Variants in FHL1 observed in about 807,000 individuals in gnomAD.
The protein encoded by FHL1 is four and a half LIM domains protein 1.
FHL1 carries 1 observed loss-of-function variant against 20.3 expected under a neutral mutation model. The ratio of observed to expected loss-of-function variants is 0.05; its 90% CI spans 0.02 to 0.23. The LOEUF (loss-of-function observed/expected upper bound fraction) is 0.23. FHL1 is among the 10% of genes least tolerant of loss of function. FHL1 has a pLI of 1.00. For missense variants in FHL1, 177 were observed against 234.0 expected (o/e 0.76, Z 1.59); for synonymous variants, 82 against 88.9 (o/e 0.92, Z 0.44).
chrX:136,184,766 T>G (rs1202644894), intron 2 of FHL1, among the ~76,000 whole-genome samples: 1 of 111,804 alleles, frequency 8.9e-6, no homozygotes, highest in Admixed American at 9.6e-5. Context: ...ATTACCTACT[T>G]GGGTACAAAG....
At chrX:136,152,090 C>G (rs1361503647) in intron 1 of FHL1, among the ~76,000 whole-genome samples, 3 of 112,010 alleles carry the variant, frequency 2.7e-5, no homozygotes, top group African/African-American at 9.7e-5. Context: ...ACCATGAATG[C>G]TAAATGTGAT....
Position 136,210,601 on chromosome X carries a change from G to A in FHL1, c.*576G>A. 2 of 390,416 alleles carry A rather than the reference G, an allele frequency of 5.1e-6. No individual in the cohort carries two copies. The highest frequency in any genetic ancestry group is 9.6e-6 in the Non-Finnish European group (2 of 207,285). 32.2% of individuals were successfully genotyped at this position (390,416 alleles called of 1,213,427 possible). A position where few individuals can be genotyped will look rare whatever the true frequency, so the allele number is the denominator to read the frequency against. ...AGAAAATTAACATTTGAACTTAGCT[G>A]TAATTCTAAACTGACCTTTCCCCGT... On this transcript the variant is annotated 3_prime_UTR_variant, in exon 6 of 6. Coordinates refer to ENST00000370683, the MANE Select transcript of FHL1 (RefSeq NM_001159699.2).
intron 2 of FHL1, among the ~76,000 whole-genome samples, chrX:136,175,108 G>T (rs949607771): frequency 8.9e-6 from 1 of 111,940 alleles, no homozygotes; most frequent in Non-Finnish European, 1.9e-5. Context: ...AGAAAGGTGC[G>T]CACAGGCCTA....
intron 1 of FHL1, chrX:136,148,779 G>A (rs2148253206): frequency 8.9e-6 from 1 of 112,361 alleles, no homozygotes; most frequent in East Asian, 2.8e-4. Context: ...CCCATACTAG[G>A]GAGATCCCTT....
chrX:136,198,088 C>G (rs1020267755), intron 1 of FHL1, among the ~76,000 whole-genome samples: 2 of 110,356 alleles, frequency 1.8e-5, no homozygotes, highest in African/African-American at 6.6e-5. Flanking sequence ...ATGGAATGCC[C>G]TACCTTAATG....
At chrX:136,166,434 A>G (rs1428272066), upstream of FHL1, among the ~76,000 whole-genome samples, 1 of 111,404 alleles carries the variant, frequency 9.0e-6, no homozygotes, top group Non-Finnish European at 1.9e-5. Flanking sequence ...GACTTTCTGG[A>G]AAGGATAGCC....
At chrX:136,206,231 G>C (rs1462405203) in intron 1 of FHL1, 176 bp from the exon 2 acceptor site, 8 of 552,557 alleles carry the variant, frequency 1.4e-5, no homozygotes, top group African/African-American at 4.5e-5. Context: ...TGGAATCATA[G>C]TGAAGTATCT....
At chrX:136,199,521 T>C (rs755257906) in intron 1 of FHL1, among the ~76,000 whole-genome samples, 1 of 112,612 alleles carries the variant, frequency 8.9e-6, no homozygotes, top group East Asian at 2.8e-4. Context: ...TTCCCAAATG[T>C]CTGACGACAC....
chrX:136,159,002 G>A (rs1251979193), intron 1 of FHL1, among the ~76,000 whole-genome samples: 1 of 110,277 alleles, frequency 9.1e-6, no homozygotes, highest in Non-Finnish European at 1.9e-5. Flanking sequence ...ATGTATTAAC[G>A]TTGGCCCATC....
intron 1 of FHL1, among the ~76,000 whole-genome samples, chrX:136,159,743 G>T (rs1430768576): frequency 8.9e-6 from 1 of 111,981 alleles, no homozygotes; most frequent in East Asian, 2.8e-4. Flanking sequence ...AGTGGGAGCA[G>T]TGGGTTGGGA....
At position 136,210,107 on chromosome X, in the gene FHL1, G is replaced by A. The variant is rs778893019; in HGVS notation, c.*82G>A. The stretch of plus-strand genomic sequence containing the variant: ...TACTTTCTGCCCTATACCATCAATA[G>A]GGGAAGAGTGGTCCTTCCCTTCTTT... On this transcript the variant is annotated 3_prime_UTR_variant, in exon 6 of 6. Transcript: ENST00000370683. The A allele has an allele frequency of 8.8e-7, 1 of 1,133,292 alleles. No individual in the cohort carries two copies. The highest frequency in any genetic ancestry group is 1.8e-5 in the South Asian group (1 of 55,108). The allele number at this position is 1,133,292 out of a possible 1,213,427, so 93.4% of individuals were successfully genotyped here. A position where few individuals can be genotyped will look rare whatever the true frequency, so the allele number is the denominator to read the frequency against.
chrX:136,206,750 G>A (rs1223972215), intron 2 of FHL1, among the ~76,000 whole-genome samples, 162 bp downstream of exon 2: 2 of 113,406 alleles, frequency 1.8e-5, no homozygotes, highest in African/African-American at 6.4e-5. Context: ...ACAGTGGCCC[G>A]AGCTGTTTAA....
chrX:136,185,301 G>T (rs2073260175), intron 2 of FHL1, among the ~76,000 whole-genome samples: 1 of 111,880 alleles, frequency 8.9e-6, no homozygotes, highest in Non-Finnish European at 1.9e-5. Context: ...TGAGTAGACA[G>T]TTGGAAGGGA....
At chrX:136,176,657 T>C (rs1420346254) in intron 2 of FHL1, among the ~76,000 whole-genome samples, 2 of 111,681 alleles carry the variant, frequency 1.8e-5, no homozygotes, top group East Asian at 5.6e-4. Context: ...GAGTCAGTTA[T>C]GTTTGGACTG....
At chrX:136,166,664 A>G (rs2072718285), upstream of FHL1, among the ~76,000 whole-genome samples, 1 of 112,083 alleles carries the variant, frequency 8.9e-6, no homozygotes, top group African/African-American at 3.2e-5. Context: ...GGAAAAATCA[A>G]TTCCAGAAGG....
At chrX:136,160,408 C>A (rs1029866108) in intron 1 of FHL1, among the ~76,000 whole-genome samples, 1 of 111,419 alleles carries the variant, frequency 9.0e-6, no homozygotes, top group East Asian at 2.8e-4. Flanking sequence ...TTATAGAGTT[C>A]GCCTGTTTAG....
chrX:136,206,210 G>A, intron 1 of FHL1, 197 bp from the exon 2 acceptor site: 1 of 501,705 alleles, frequency 2.0e-6, no homozygotes, highest in Non-Finnish European at 3.5e-6. Flanking sequence ...CCCGCGGGGT[G>A]CTTTTGTTCC....
chrX:136,151,516 A>C (rs749870800), intron 1 of FHL1, among the ~76,000 whole-genome samples: 100 of 112,041 alleles, frequency 8.9e-4, no homozygotes, highest in African/African-American at 3.0e-3. Context: ...GTTCGAGACC[A>C]GTCTGGCCAA....
At chrX:136,163,998 A>G in intron 1 of FHL1, among the ~76,000 whole-genome samples, 1 of 112,123 alleles carries the variant, frequency 8.9e-6, no homozygotes, top group Middle Eastern at 4.6e-3. Context: ...GAGCTGCTGT[A>G]ATAGTCATTG....
Sources: gnomAD v4.1 joint callset for allele counts (sites outside exome capture counted in the v4.1 genomes callset) on GRCh38, gnomAD v4.1.1 for gene constraint, MANE v1.5 for transcripts, NCBI Gene and HGNC (gene_info 2026-07-23, HGNC 2026-07-21) for gene names.